Variants in CAMK1D observed in about 807,000 individuals in gnomAD.
CAMK1D encodes the protein calcium/calmodulin-dependent protein kinase type 1D.
A neutral mutation model predicts 47.7 loss-of-function variants in CAMK1D; 9 were observed. The observed-to-expected ratio is 0.19, with a 90% CI of 0.11 to 0.33. The LOEUF (loss-of-function observed/expected upper bound fraction) is 0.33. CAMK1D is among the 10% of genes least tolerant of loss of function. The pLI is 1.00. For missense variants in CAMK1D, 291 were observed against 488.7 expected (o/e 0.60, Z 3.81); for synonymous variants, 184 against 184.9 (o/e 0.99, Z 0.04).
chr10:12,615,445 CATGTGTGTGTGT>C (rs1838754160), intron 2 of CAMK1D, among the ~76,000 whole-genome samples: 1 of 151,328 alleles, frequency 6.6e-6, no homozygotes, highest in South Asian at 2.1e-4. Context: ...TGAGTGTGTG[CATGTGTGTGTGT>C]AGGTGTGAGT....
intron 3 of CAMK1D, among the ~76,000 whole-genome samples, chr10:12,696,896 C>G (rs1833319715): frequency 6.6e-6 from 1 of 152,226 alleles, no homozygotes; most frequent in South Asian, 2.1e-4. Context: ...TCCATCTTTG[C>G]AGTCTTCTTT....
At chr10:12,751,824 T>C (rs1028414389) in intron 3 of CAMK1D, among the ~76,000 whole-genome samples, 7 of 152,174 alleles carry the variant, frequency 4.6e-5, no homozygotes, top group African/African-American at 1.4e-4. Flanking sequence ...GCTGGGGCCA[T>C]GCACCTTTGT....
rs146332131 is a variant in CAMK1D, at chr10:12,380,234, C to T, written c.92+30324C>T. ...TATCTCAAAAAAAAAGAAGAGGCAT[C>T]GCTGATTGATTGAACATCAGGTGAA... On this transcript the variant is annotated intron_variant, in intron 1 of 10. Coordinates refer to ENST00000619168, the MANE Select transcript of CAMK1D (RefSeq NM_153498.4). 3.8e-3 allele frequency among the ~76,000 whole-genome samples: 579 copies of T among 152,048 alleles called. 8 individuals carry two copies. The East Asian group carries it at 0.044, about 12-fold the overall frequency.
chr10:12,480,295 C>T lies in CAMK1D; in HGVS notation c.93-72930C>T, dbSNP rs189553539. Among the ~76,000 whole-genome samples, 619 of 152,112 alleles carry T rather than the reference C, an allele frequency of 4.1e-3. 6 individuals carry two copies. The highest frequency in any genetic ancestry group is 0.015 in the African/African-American group (602 of 41,488). On this transcript the variant is annotated intron_variant, in intron 1 of 10. Coordinates refer to ENST00000619168, the MANE Select transcript of CAMK1D (RefSeq NM_153498.4). ...ACTAAAAATACAAAAATTAGCTGGA[C>T]GTGATAGCGCACGCCTGCAATCTCA... is the stretch of plus-strand genomic sequence containing the variant.
intron 3 of CAMK1D, among the ~76,000 whole-genome samples, chr10:12,670,942 C>T (rs954883351): frequency 1.3e-5 from 2 of 152,206 alleles, no homozygotes; most frequent in African/African-American, 4.8e-5. Context: ...ACCCTGTACT[C>T]ATTAGCAATC....
chr10:12,613,654 A>AT (rs1838697733), intron 2 of CAMK1D, among the ~76,000 whole-genome samples: 2 of 151,942 alleles, frequency 1.3e-5, no homozygotes, highest in African/African-American at 4.8e-5. Context: ...CATTTTTTGT[A>AT]TTTTTAGTAG....
At chr10:12,575,474 C>G (rs1837464634) in intron 2 of CAMK1D, among the ~76,000 whole-genome samples, 1 of 152,166 alleles carries the variant, frequency 6.6e-6, no homozygotes, top group South Asian at 2.1e-4. Context: ...TCTCTGGAAT[C>G]CCCCTTGGTT....
At chr10:12,477,504 G>C (rs1833936609) in intron 1 of CAMK1D, among the ~76,000 whole-genome samples, 1 of 152,202 alleles carries the variant, frequency 6.6e-6, no homozygotes, top group African/African-American at 2.4e-5. Context: ...TTAGGAGGCG[G>C]AGTCTCCCCT....
chr10:12,675,780 C>T lies in CAMK1D; in HGVS notation c.299+8970C>T, dbSNP rs531650620. ...GGTGGCCTCCAGGGACCTATGTGTC[C>T]TGGCTCCTGGAAACCTCTCTGACTT... On this transcript the variant is annotated intron_variant, in intron 3 of 10. Transcript: ENST00000619168. 2.6e-5 allele frequency among the ~76,000 whole-genome samples: 4 copies of T among 152,296 alleles called. No individual in the cohort carries two copies. In the East Asian group the frequency reaches 7.7e-4, roughly 29 times the overall value.
rs754111394 is a variant in CAMK1D, at chr10:12,738,643, C to T, written c.300-22305C>T. Among the ~76,000 whole-genome samples the T allele has an allele frequency of 1.1e-4, 17 of 151,422 alleles. 1 individual carries two copies. The highest frequency in any genetic ancestry group is 4.2e-4 in the South Asian group (2 of 4,804). On this transcript the variant is annotated intron_variant, in intron 3 of 10. Transcript: ENST00000619168. The stretch of plus-strand genomic sequence containing the variant: ...GTCAGGAGATCGAGACCATCCTGGC[C>T]AACACAGTGAAACCCCATCTCTACT...
intron 1 of CAMK1D, 53 bp downstream of exon 1, chr10:12,349,963 C>A: frequency 2.8e-6 from 3 of 1,057,006 alleles, no homozygotes; most frequent in Non-Finnish European, 3.9e-6. Context: ...AGGGGCTGCA[C>A]GGGCAGCTCC....
At chr10:12,490,323 G>A (rs1410127404) in intron 1 of CAMK1D, among the ~76,000 whole-genome samples, 1 of 152,154 alleles carries the variant, frequency 6.6e-6, no homozygotes, top group Non-Finnish European at 1.5e-5. Flanking sequence ...AGGGCGCTGG[G>A]ACGGGGTTAT....
chr10:12,575,304 G>T (rs1052002533), intron 2 of CAMK1D, among the ~76,000 whole-genome samples: 12 of 152,060 alleles, frequency 7.9e-5, no homozygotes, highest in African/African-American at 2.9e-4. Context: ...TGTTGGCCAG[G>T]CTGATCTTGA....
chr10:12,385,596 G>GA (rs1035353285), intron 1 of CAMK1D, among the ~76,000 whole-genome samples: 1 of 152,122 alleles, frequency 6.6e-6, no homozygotes, highest in Non-Finnish European at 1.5e-5. Context: ...TAAGGCTGGG[G>GA]GTTGGAAGAT....
Position 12,349,698 on chromosome 10 carries a change from A to T in CAMK1D, c.-121A>T, listed in dbSNP as rs2131824605. 5.6e-6 allele frequency: 1 copy of T among 179,124 alleles called. No individual in the cohort carries two copies. The highest frequency in any genetic ancestry group is 6.5e-5 in the Admixed American group (1 of 15,372). 11.1% of individuals were successfully genotyped at this position (179,124 alleles called of 1,614,324 possible). A position where few individuals can be genotyped will look rare whatever the true frequency, so the allele number is the denominator to read the frequency against. On this transcript the variant is annotated 5_prime_UTR_variant, in exon 1 of 11. Coordinates refer to ENST00000619168, the MANE Select transcript of CAMK1D (RefSeq NM_153498.4). ...AGAGCGAAAGAGGAAACTGCAGAGGAGGAAGCTGCGCCGCAGCCCGAGCCG... is the reference window on the plus strand; with the variant it reads ...AGAGCGAAAGAGGAAACTGCAGAGGTGGAAGCTGCGCCGCAGCCCGAGCCG...
intron 3 of CAMK1D, among the ~76,000 whole-genome samples, chr10:12,743,500 C>A (rs1835529363): frequency 1.3e-5 from 2 of 152,124 alleles, no homozygotes; most frequent in African/African-American, 4.8e-5. Context: ...GGGAAGAATG[C>A]ACTTAAAAAA....
At chr10:12,559,137 G>C (rs79399255) in intron 2 of CAMK1D, among the ~76,000 whole-genome samples, 5,639 of 152,002 alleles carry the variant, frequency 0.037, 164 homozygotes, top group East Asian at 0.095. Flanking sequence ...GTGAGACTCT[G>C]TCTCTATAAA....
At chr10:12,463,357 C>T (rs568824083) in intron 1 of CAMK1D, among the ~76,000 whole-genome samples, 4 of 152,160 alleles carry the variant, frequency 2.6e-5, no homozygotes, top group East Asian at 3.9e-4. Flanking sequence ...AGGCTGGTTT[C>T]GAACTCCTGA....
chr10:12,699,597 G>A (rs1187264704), intron 3 of CAMK1D, among the ~76,000 whole-genome samples: 1 of 151,506 alleles, frequency 6.6e-6, no homozygotes, highest in Non-Finnish European at 1.5e-5. Context: ...TGTGGTGTTG[G>A]TTGTTGCTTC....
Sources: gnomAD v4.1 joint callset for allele counts (sites outside exome capture counted in the v4.1 genomes callset) on GRCh38, gnomAD v4.1.1 for gene constraint, MANE v1.5 for transcripts, NCBI Gene and HGNC (gene_info 2026-07-23, HGNC 2026-07-21) for gene names.